The following ALDH1A3 variants were observed in gnomAD, a reference collection of about 807,000 sequenced individuals.
ALDH1A3 encodes aldehyde dehydrogenase 1 family member A3.
A neutral mutation model predicts 57.5 loss-of-function variants in ALDH1A3; 28 were observed. The observed-to-expected ratio is 0.49, with a 90% CI of 0.36 to 0.67. The LOEUF (loss-of-function observed/expected upper bound fraction) is 0.67, where lower values mean the gene tolerates loss of function less well. Among genes scored for constraint, ALDH1A3 ranks in the 30% least tolerant of loss-of-function variants. ALDH1A3 has a pLI of 0.00. For synonymous variants in ALDH1A3, 281 were observed against 264.8 expected (o/e 1.06, Z -0.59); for missense variants, 507 against 669.4 (o/e 0.76, Z 2.68).
chr15:100,881,836 C>G (rs1206022835), intron 1 of ALDH1A3, among the ~76,000 whole-genome samples: 3 of 152,218 alleles, frequency 2.0e-5, no homozygotes, highest in Non-Finnish European at 4.4e-5. Flanking sequence ...GCTGCCTGCT[C>G]TGTCCTGGCT....
At position 100,897,988 on chromosome 15, in the gene ALDH1A3, C is replaced by G. The variant is rs2041724909; in HGVS notation, c.781-95C>G. The G allele has an allele frequency of 1.7e-6, 2 of 1,203,452 alleles. 1 individual carries two copies. The highest frequency in any genetic ancestry group is 2.7e-5 in the South Asian group (2 of 73,724). The allele number at this position is 1,203,452 out of a possible 1,614,324, so 74.5% of individuals were successfully genotyped here. A position where few individuals can be genotyped will look rare whatever the true frequency, so the allele number is the denominator to read the frequency against. The stretch of plus-strand genomic sequence containing the variant: ...GGCCGAGAGCCAGGTGGTGGCACTG[C>G]CACCCGGGCTTGATCAGAATGTTCA... On this transcript the variant is annotated intron_variant, in intron 7 of 12. Transcript: ENST00000329841.
chr15:100,889,635 C>T lies in ALDH1A3; in HGVS notation c.345+1923C>T, dbSNP rs908252752. On this transcript the variant is annotated intron_variant, in intron 3 of 12. Transcript: ENST00000329841. The surrounding 1 kb of genome is among the most constrained non-coding windows in gnomAD (Gnocchi z 5.1). ...GAGAGGATGTGCCCTGGGCACCCCC[C>T]GCCCTGAACCCTGTCCTTAAGTGTC... Among the ~76,000 whole-genome samples the T allele has an allele frequency of 1.3e-5, 2 of 152,216 alleles. No individual in the cohort carries two copies. The highest frequency in any genetic ancestry group is 4.1e-4 in the South Asian group (2 of 4,826).
rs1005917805 is a variant in ALDH1A3 at position 100,879,972 on chromosome 15, G to A, written c.65G>A (p.Arg22His). Residue 22 changes from arginine (R) to histidine (H), a missense_variant, in exon 1 of 13, where the codon CGC becomes CAC. Arg to His is a conservative substitution (Grantham distance 29). Around this residue, in one of 2 missense-constraint regions of ALDH1A3, gnomAD observed 75 missense variants for 61.0 expected, o/e 1.23. Transcript: ENST00000329841. ...QPDRKPPALP[R>H]PIRNLEVKFT... ...GACAGGAAGCCGCCGGCCCTGCCGC[G>A]CCCCATCCGCAACCTGGAGGTCAAG... 2.7e-6 allele frequency: 4 copies of A among 1,475,836 alleles called. No individual in the cohort carries two copies. Among genetic ancestry groups the A allele is most frequent in the Middle Eastern group, 1.8e-4 (1 of 5,462 alleles). 91.4% of individuals were successfully genotyped at this position (1,475,836 alleles called of 1,614,324 possible). A position where few individuals can be genotyped will look rare whatever the true frequency, so the allele number is the denominator to read the frequency against.
chr15:100,880,101 G>A (rs1024775554), intron 1 of ALDH1A3, 95 bp downstream of exon 1: 9 of 949,480 alleles, frequency 9.5e-6, no homozygotes, highest in African/African-American at 8.6e-5. Flanking sequence ...CGGGCCGGGG[G>A]TCCGCCGGGC....
At chr15:100,908,586 C>A (rs535590798) in intron 12 of ALDH1A3, 104 bp downstream of exon 12, 29 of 1,016,758 alleles carry the variant, frequency 2.9e-5, no homozygotes, top group Non-Finnish European at 4.0e-5. Flanking sequence ...CCGTCCCCCC[C>A]ACACCGCCGC....
chr15:100,912,478 T>C (rs2041890567), intron 12 of ALDH1A3, among the ~76,000 whole-genome samples: 1 of 152,206 alleles, frequency 6.6e-6, no homozygotes, highest in African/African-American at 2.4e-5. Context: ...ATTTTTTTTC[T>C]AGTTTGTCAT....
chr15:100,896,975 C>T (rs1408438637), intron 7 of ALDH1A3, among the ~76,000 whole-genome samples: 4 of 152,180 alleles, frequency 2.6e-5, no homozygotes, highest in Non-Finnish European at 4.4e-5. Context: ...CGGGGCAGAG[C>T]CGGAGGGAAG....
rs143880265 is a variant in ALDH1A3, at chr15:100,907,189, C to T, written c.1302C>T (p.Ser434=). 1 of 1,614,156 alleles carries T rather than the reference C, an allele frequency of 6.2e-7. No homozygotes were observed. ...SIEEVIKRAN[S]TDYGLTAAVF... is the part of the protein sequence containing the mutation. ...AAGAAGTGATAAAAAGAGCGAATAG[C>T]ACCGACTATGGACTCACAGCAGCCG... The change falls in exon 11 of 13, where the codon AGC becomes AGT. Residue 434 remains serine, a synonymous_variant. Coordinates refer to ENST00000329841, the MANE Select transcript of ALDH1A3 (RefSeq NM_000693.4).
chr15:100,900,908 G>C (rs2041761037), intron 9 of ALDH1A3, 149 bp downstream of exon 9: 8 of 898,866 alleles, frequency 8.9e-6, no homozygotes, highest in Middle Eastern at 6.8e-4. Flanking sequence ...AAACTGATCA[G>C]AAACACAATC....
chr15:100,891,541 G>A (rs4646663), intron 3 of ALDH1A3, among the ~76,000 whole-genome samples: 105 of 152,362 alleles, frequency 6.9e-4, no homozygotes, highest in Non-Finnish European at 1.3e-3. Flanking sequence ...GGCCGTTAGC[G>A]TCCGTGCCTG....
chr15:100,899,788 C>G (rs900980483), intron 8 of ALDH1A3, among the ~76,000 whole-genome samples: 6 of 152,188 alleles, frequency 3.9e-5, no homozygotes, highest in African/African-American at 1.4e-4. Flanking sequence ...GCCTCCTTCT[C>G]AAAGCCAAGG....
rs1596138613 is a variant in ALDH1A3, at chr15:100,914,932, C to T, written c.*159C>T. The T allele has an allele frequency of 3.0e-6, 2 of 672,756 alleles. No individual in the cohort carries two copies. The highest frequency in any genetic ancestry group is 5.0e-6 in the Non-Finnish European group (2 of 398,782). The allele number at this position is 672,756 out of a possible 1,614,324, so 41.7% of individuals were successfully genotyped here. ...ATGATTGCTGTTTTCCTCTCACTCT[C>T]CTGTTTATTCACCAGACTGGGGATG... On this transcript the variant is annotated 3_prime_UTR_variant, in exon 13 of 13. Coordinates refer to ENST00000329841, the MANE Select transcript of ALDH1A3 (RefSeq NM_000693.4).
chr15:100,887,552 CTG>C lies in ALDH1A3; in HGVS notation c.205-18_205-17del, dbSNP rs761304767. On this transcript the variant is annotated intron_variant, in intron 2 of 12. Transcript: ENST00000329841. The surrounding 1 kb of genome is among the most constrained non-coding windows in gnomAD (Gnocchi z 4.6). Reference sequence around the variant, plus strand: ...CACGTCAAAAGATGACAGTCTCTCTCTGTTGTTCTGGTCGCTCAGCCCGACGT... The same window carrying C: ...CACGTCAAAAGATGACAGTCTCTCTCTTGTTCTGGTCGCTCAGCCCGACGT... The C allele has an allele frequency of 5.4e-5, 85 of 1,560,534 alleles. No individual in the cohort carries two copies. Among genetic ancestry groups the C allele is most frequent in the Non-Finnish European group, 7.2e-5 (83 of 1,150,442 alleles).
intron 8 of ALDH1A3, among the ~76,000 whole-genome samples, chr15:100,899,696 G>T (rs1194200880): frequency 6.6e-6 from 1 of 152,108 alleles, no homozygotes; most frequent in Non-Finnish European, 1.5e-5. Context: ...GGGGTCAAGG[G>T]TGCAGAGAGG....
chr15:100,886,143 G>T (rs2041592578), intron 2 of ALDH1A3, among the ~76,000 whole-genome samples: 1 of 152,244 alleles, frequency 6.6e-6, no homozygotes, highest in Non-Finnish European at 1.5e-5. Flanking sequence ...TGCAGAGTAG[G>T]CTTGGATTTT....
chr15:100,895,786 G>A (rs1453219787), intron 6 of ALDH1A3, 147 bp from the exon 7 acceptor site: 2 of 681,412 alleles, frequency 2.9e-6, no homozygotes, highest in East Asian at 5.5e-5. Context: ...GGTGCCCACG[G>A]TCAACTGCTT....
At chr15:100,895,880 C>T (rs2141558385) in intron 6 of ALDH1A3, 53 bp from the exon 7 acceptor site, 1 of 1,466,286 alleles carries the variant, frequency 6.8e-7, no homozygotes, top group East Asian at 2.4e-5. Flanking sequence ...AAATGTGGAT[C>T]CGTGGTGGAT....
intron 7 of ALDH1A3, 80 bp from the exon 8 acceptor site, chr15:100,898,003 C>A: frequency 7.2e-7 from 1 of 1,388,664 alleles, no homozygotes; most frequent in South Asian, 1.2e-5. Context: ...CGGGCTTGAT[C>A]AGAATGTTCA....
At chr15:100,899,474 G>A (rs1455739758) in intron 8 of ALDH1A3, among the ~76,000 whole-genome samples, 1 of 152,194 alleles carries the variant, frequency 6.6e-6, no homozygotes, top group Admixed American at 6.5e-5. Context: ...ATAAAAACAT[G>A]CTGTGTAGCC....
Sources: allele counts gnomAD v4.1 joint callset (sites outside exome capture counted in the v4.1 genomes callset), GRCh38; gene constraint gnomAD v4.1.1; regional missense constraint gnomAD v4.1.1; non-coding constraint Gnocchi (gnomAD v3.1); transcripts MANE v1.5; gene names NCBI Gene and HGNC (gene_info 2026-07-23, HGNC 2026-07-21).